Variants in EPHA5 observed in about 807,000 individuals in gnomAD.
EPHA5 encodes the protein ephrin type-A receptor 5.
Under a neutral mutation model 105.0 loss-of-function variants are expected in EPHA5, and 60 were observed. The observed-to-expected ratio is 0.57, with a 90% confidence interval of 0.46 to 0.71. The LOEUF (loss-of-function observed/expected upper bound fraction) is 0.71. Ranked by LOEUF, EPHA5 falls within the 30% of genes least tolerant of loss-of-function variation. The probability of loss-of-function intolerance (pLI) is 0.00; values close to 1 mark genes in which losing one functional copy is unlikely to be tolerated. For missense variants in EPHA5, 1,218 were observed against 1,274.7 expected (o/e 0.96, Z 0.68); for synonymous variants, 513 against 449.1 (o/e 1.14, Z -1.80).
chr4:65,490,798 G>GA lies in EPHA5; in HGVS notation c.1067-87dup. On this transcript the variant is annotated intron_variant, in intron 4 of 16. Transcript: ENST00000613740. Reference sequence around the variant, plus strand: ...TATCACACCAATTCCTGGTCTGAAGGAAAAAATAGATTTGCAATAAGTCCT... The same window carrying GA: ...TATCACACCAATTCCTGGTCTGAAGGAAAAAAATAGATTTGCAATAAGTCCT... 3.7e-6 allele frequency: 5 copies of GA among 1,335,626 alleles called. No individual in the cohort carries two copies. In the South Asian group the frequency reaches 5.9e-5, roughly 16 times the overall value. The allele number at this position is 1,335,626 out of a possible 1,614,324, so 82.7% of individuals were successfully genotyped here.
chr4:65,352,974 A>C lies in EPHA5; in HGVS notation c.2235+68T>G, dbSNP rs893605913. ...AATTCAACTTCAACATCACAGCATCATCATCACAGCACAACATCACAATAT... is the reference window on the plus strand; with the variant it reads ...AATTCAACTTCAACATCACAGCATCCTCATCACAGCACAACATCACAATAT... On this transcript the variant is annotated intron_variant, in intron 12 of 16. Transcript: ENST00000613740. 2.0e-5 allele frequency: 22 copies of C among 1,090,832 alleles called. No individual in the cohort carries two copies. In the African/African-American group the frequency reaches 2.8e-4, roughly 14 times the overall value. 67.6% of individuals were successfully genotyped at this position (1,090,832 alleles called of 1,614,324 possible).
chr4:65,399,055 T>A (rs1721542236), intron 8 of EPHA5, among the ~76,000 whole-genome samples: 1 of 151,934 alleles, frequency 6.6e-6, no homozygotes, highest in African/African-American at 2.4e-5. Flanking sequence ...GAGAGAAGAG[T>A]GGCAACCCTT....
At chr4:65,650,909 C>T (rs1012648159) in intron 1 of EPHA5, among the ~76,000 whole-genome samples, 1 of 152,134 alleles carries the variant, frequency 6.6e-6, no homozygotes, top group African/African-American at 2.4e-5. Context: ...ATTATTTTGA[C>T]ACAAGTCCTT....
intron 2 of EPHA5, among the ~76,000 whole-genome samples, chr4:65,604,266 A>C (rs1320535833): frequency 4.6e-5 from 7 of 152,168 alleles, no homozygotes; most frequent in African/African-American, 1.7e-4. Context: ...AAATACTATT[A>C]AAAATGCAAG....
intron 8 of EPHA5, among the ~76,000 whole-genome samples, chr4:65,398,668 G>A (rs142071262): frequency 6.6e-6 from 1 of 152,246 alleles, no homozygotes; most frequent in African/African-American, 2.4e-5. Flanking sequence ...AGCCAGACTG[G>A]GGAGACAACA....
chr4:65,482,448 AAC>A (rs1290266318), intron 5 of EPHA5, among the ~76,000 whole-genome samples: 1 of 152,170 alleles, frequency 6.6e-6, no homozygotes, highest in Non-Finnish European at 1.5e-5. Flanking sequence ...TATACTGGGG[AAC>A]ACAGACATTG....
At chr4:65,387,819 TC>T (rs973581957) in intron 8 of EPHA5, among the ~76,000 whole-genome samples, 1 of 151,628 alleles carries the variant, frequency 6.6e-6, no homozygotes, top group African/African-American at 2.4e-5. Context: ...TATGTCTCAT[TC>T]TTTTTTTTTA....
At chr4:65,349,009 G>T (rs1280431136) in intron 13 of EPHA5, among the ~76,000 whole-genome samples, 2 of 150,666 alleles carry the variant, frequency 1.3e-5, no homozygotes, top group African/African-American at 2.4e-5. Flanking sequence ...AGAGACAGGG[G>T]TTTGCCATGT....
At chr4:65,497,690 C>A (rs955415968) in intron 3 of EPHA5, among the ~76,000 whole-genome samples, 4 of 151,902 alleles carry the variant, frequency 2.6e-5, no homozygotes, top group Admixed American at 1.3e-4. Context: ...AAAGTCATTT[C>A]TTTTCTTTTT....
intron 1 of EPHA5, among the ~76,000 whole-genome samples, chr4:65,662,190 A>C (rs1365645495): frequency 6.6e-6 from 1 of 152,076 alleles, no homozygotes; most frequent in Non-Finnish European, 1.5e-5. Flanking sequence ...AATATAAGAG[A>C]AAAAAGACAT....
At chr4:65,375,380 A>G (rs1307085295) in intron 8 of EPHA5, among the ~76,000 whole-genome samples, 1 of 151,898 alleles carries the variant, frequency 6.6e-6, no homozygotes, top group Non-Finnish European at 1.5e-5. Context: ...TTATTGGAAG[A>G]AAGATATTGT....
intron 8 of EPHA5, among the ~76,000 whole-genome samples, chr4:65,391,610 G>T (rs1168615415): frequency 2.0e-5 from 3 of 152,092 alleles, no homozygotes; most frequent in Non-Finnish European, 2.9e-5. Flanking sequence ...CTGGGTATCA[G>T]GTTCCTGTGA....
chr4:65,409,011 A>T (rs988585445), intron 7 of EPHA5, among the ~76,000 whole-genome samples: 3 of 7,114 alleles, frequency 4.2e-4, no homozygotes, highest in African/African-American at 7.6e-4. Flanking sequence ...ATGCAGCCAT[A>T]AAAAAAGGAT....
chr4:65,422,394 G>A lies in EPHA5; in HGVS notation c.1403-1829C>T, dbSNP rs75708702. Among the ~76,000 whole-genome samples, 56 of 151,982 alleles carry A rather than the reference G, an allele frequency of 3.7e-4. No homozygotes were observed. The East Asian group carries it at 0.01, about 27-fold the overall frequency. On this transcript the variant is annotated intron_variant, in intron 5 of 16. Transcript: ENST00000613740. ...TAACCAGGTTTGTCAGCATCAAGGA[G>A]CATGCTCAATTTATCTTATTTGTCT...
At chr4:65,669,505 G>C (rs2149570089) in intron 1 of EPHA5, 57 bp downstream of exon 1, 2 of 1,306,160 alleles carry the variant, frequency 1.5e-6, no homozygotes, top group Non-Finnish European at 2.0e-6. Flanking sequence ...TGAACTCCCA[G>C]GCCCCGCCTA....
At chr4:65,499,142 A>T (rs1472851311) in intron 3 of EPHA5, among the ~76,000 whole-genome samples, 3 of 151,678 alleles carry the variant, frequency 2.0e-5, no homozygotes, top group Non-Finnish European at 4.4e-5. Flanking sequence ...TCTTGAGAAA[A>T]TAAAAGTTGT....
chr4:65,663,753 T>C lies in EPHA5; in HGVS notation c.181+5809A>G, dbSNP rs79608754. Among the ~76,000 whole-genome samples, 1,511 of 152,118 alleles carry C rather than the reference T, an allele frequency of 9.9e-3. 81 individuals carry two copies. In the East Asian group the frequency reaches 0.1, roughly 10 times the overall value. ...AAAATAGAGCCATATCTTTCTTTTA[T>C]GTGATAAGAATAATTGCAATGAATA... On this transcript the variant is annotated intron_variant, in intron 1 of 16. Transcript: ENST00000613740.
intron 5 of EPHA5, among the ~76,000 whole-genome samples, chr4:65,466,149 C>A (rs189331134): frequency 6.6e-6 from 1 of 152,300 alleles, no homozygotes. Context: ...CGTGTGTACA[C>A]ATATGCACAT....
chr4:65,331,415 GA>G, intron 16 of EPHA5: 1 of 1,045,768 alleles, frequency 9.6e-7, no homozygotes, highest in Non-Finnish European at 1.2e-6. Context: ...GTTCCACTGA[GA>G]TTGTACCAAA....
Sources: gnomAD v4.1 joint callset for allele counts (sites outside exome capture counted in the v4.1 genomes callset) on GRCh38, gnomAD v4.1.1 for gene constraint, MANE v1.5 for transcripts, NCBI Gene and HGNC (gene_info 2026-07-23, HGNC 2026-07-21) for gene names.